KHDRBS2: variants seen among roughly 807,000 people sequenced by gnomAD.
KHDRBS2 encodes the protein KH RNA binding domain containing, signal transduction associated 2.
A neutral mutation model predicts 44.3 loss-of-function variants in KHDRBS2; 26 were observed. The observed-to-expected ratio is 0.59, with a 90% CI of 0.43 to 0.81. The LOEUF is 0.81. Ranked by LOEUF, KHDRBS2 falls within the 40% of genes least tolerant of loss-of-function variation. The probability of loss-of-function intolerance (pLI) is 0.00; values close to 1 mark genes in which losing one functional copy is unlikely to be tolerated. For synonymous variants in KHDRBS2, 194 were observed against 151.1 expected, an observed-to-expected ratio of 1.28 and a Z score of -2.08; for missense variants, 476 against 433.1, an observed-to-expected ratio of 1.10 and a Z score of -0.88.
intron 2 of KHDRBS2, among the ~76,000 whole-genome samples, chr6:62,057,500 T>G (rs1790564346): frequency 1.3e-5 from 2 of 151,954 alleles, no homozygotes; most frequent in African/African-American, 4.8e-5. Flanking sequence ...CTATACTCAG[T>G]TCCCCTTCAA....
chr6:61,586,182 G>A, the KHDRBS2 span, among the ~76,000 whole-genome samples: 1 of 152,082 alleles, frequency 6.6e-6, no homozygotes, highest in African/African-American at 2.4e-5. Context: ...TTGGGCATTT[G>A]TTACTTACAA....
At chr6:61,884,605 C>T (rs1800657066) in intron 6 of KHDRBS2, among the ~76,000 whole-genome samples, 1 of 151,922 alleles carries the variant, frequency 6.6e-6, no homozygotes, top group Non-Finnish European at 1.5e-5. Context: ...ATGTTGTCAG[C>T]GTGTCTCCAC....
At chr6:62,003,446 T>C (rs571461688) in intron 3 of KHDRBS2, among the ~76,000 whole-genome samples, 3 of 152,080 alleles carry the variant, frequency 2.0e-5, no homozygotes, top group African/African-American at 2.4e-5. Flanking sequence ...AACTTCATGA[T>C]TGAGCAACAA....
At chr6:61,652,202 G>A in the KHDRBS2 span, 1 of 151,990 alleles carries the variant, frequency 6.6e-6, no homozygotes, top group South Asian at 2.1e-4. Flanking sequence ...CTTCACTGTC[G>A]TAGATACATT....
intron 1 of KHDRBS2, among the ~76,000 whole-genome samples, chr6:62,241,492 T>A (rs142108435): frequency 1.3e-5 from 2 of 151,922 alleles, no homozygotes; most frequent in East Asian, 3.9e-4. Context: ...AAAAAATACA[T>A]TTACAAGTGC....
intron 1 of KHDRBS2, among the ~76,000 whole-genome samples, chr6:62,198,448 C>A (rs930107837): frequency 1.3e-5 from 2 of 152,090 alleles, no homozygotes; most frequent in African/African-American, 4.8e-5. Context: ...TCAGAGAATA[C>A]TATAAACACC....
At chr6:62,015,925 C>G (rs1487277608) in intron 3 of KHDRBS2, among the ~76,000 whole-genome samples, 1 of 152,064 alleles carries the variant, frequency 6.6e-6, no homozygotes, top group East Asian at 1.9e-4. Context: ...TAATTTTATT[C>G]CAGTGTCAGC....
At chr6:61,910,972 A>G (rs1237236348) in intron 4 of KHDRBS2, among the ~76,000 whole-genome samples, 1 of 152,218 alleles carries the variant, frequency 6.6e-6, no homozygotes, top group Non-Finnish European at 1.5e-5. Flanking sequence ...TCAGCAAGTT[A>G]TCCACCTTTA....
chr6:61,639,372 C>T, the KHDRBS2 span, among the ~76,000 whole-genome samples: 18 of 152,054 alleles, frequency 1.2e-4, no homozygotes, highest in East Asian at 3.3e-3. Flanking sequence ...ATATTTCTTA[C>T]TTTCCTCACC....
intron 2 of KHDRBS2, among the ~76,000 whole-genome samples, chr6:62,138,946 A>T (rs1812156104): frequency 6.6e-6 from 1 of 152,210 alleles, no homozygotes; most frequent in South Asian, 2.1e-4. Context: ...GCAGTGTATA[A>T]AAACGGCCAT....
At chr6:62,095,105 A>G (rs574731079) in intron 2 of KHDRBS2, among the ~76,000 whole-genome samples, 1 of 152,026 alleles carries the variant, frequency 6.6e-6, no homozygotes, top group Admixed American at 6.6e-5. Flanking sequence ...GAAGAATGCC[A>G]TTGGTATTTT....
chr6:62,098,243 CGTT>C (rs1267148863), intron 2 of KHDRBS2, among the ~76,000 whole-genome samples: 6 of 110,694 alleles, frequency 5.4e-5, no homozygotes, highest in African/African-American at 1.3e-4. Context: ...TAGCTTCAAA[CGTT>C]TTTTTTTTTT....
At chr6:62,078,542 C>T (rs1429499913) in intron 2 of KHDRBS2, among the ~76,000 whole-genome samples, 1 of 151,776 alleles carries the variant, frequency 6.6e-6, no homozygotes, top group Admixed American at 6.6e-5. Flanking sequence ...GATTACTTGA[C>T]TTCTAAGAGA....
In KHDRBS2 at chr6:61,886,582, C is replaced by T. The variant is rs1347981200; in HGVS notation, c.810+8053G>A. ...TTATATATATGTTTATATATGTGTT[C>T]GTGTGCATATGTATAACCTTTTCCC... On this transcript the variant is annotated intron_variant, in intron 6 of 8. Transcript: ENST00000281156. Among the ~76,000 whole-genome samples the T allele has an allele frequency of 5.3e-5, 8 of 152,028 alleles. No individual in the cohort carries two copies. In the Middle Eastern group the frequency reaches 0.014, roughly 259 times the overall value.
At chr6:62,045,394 C>T (rs1159479448) in intron 3 of KHDRBS2, among the ~76,000 whole-genome samples, 2 of 151,988 alleles carry the variant, frequency 1.3e-5, no homozygotes, top group Non-Finnish European at 2.9e-5. Flanking sequence ...TGTTTGGCTC[C>T]TTCTCATCTT....
intron 6 of KHDRBS2, among the ~76,000 whole-genome samples, chr6:61,852,802 A>C (rs1051286436): frequency 6.6e-6 from 1 of 152,310 alleles, no homozygotes; most frequent in East Asian, 1.9e-4. Context: ...AATCTTAAAA[A>C]TTGAGTGTGT....
intron 7 of KHDRBS2, among the ~76,000 whole-genome samples, chr6:61,717,902 G>T (rs192601413): frequency 3.9e-5 from 6 of 152,114 alleles, no homozygotes; most frequent in Admixed American, 1.3e-4. Flanking sequence ...CGTCTGAATT[G>T]ATTTAGGTTT....
intron 4 of KHDRBS2, among the ~76,000 whole-genome samples, chr6:61,932,432 C>T (rs541990723): frequency 6.6e-6 from 1 of 152,188 alleles, no homozygotes; most frequent in African/African-American, 2.4e-5. Flanking sequence ...TCTCCGCTAA[C>T]CACTCCAGCC....
intron 4 of KHDRBS2, among the ~76,000 whole-genome samples, chr6:61,933,703 T>G (rs768607135): frequency 6.6e-6 from 1 of 152,180 alleles, no homozygotes; most frequent in Non-Finnish European, 1.5e-5. Context: ...TATTTGTGTA[T>G]CTAATCAGAA....
Sources: allele counts gnomAD v4.1 joint callset (sites outside exome capture counted in the v4.1 genomes callset), GRCh38; gene constraint gnomAD v4.1.1; transcripts MANE v1.5; gene names NCBI Gene and HGNC (gene_info 2026-07-23, HGNC 2026-07-21).